The following SLC30A6 variants were observed in gnomAD, a reference collection of about 807,000 sequenced individuals.
The protein encoded by SLC30A6 is zinc transporter 6.
Under a neutral mutation model 63.0 loss-of-function variants are expected in SLC30A6, and 55 were observed. The ratio of observed to expected loss-of-function variants is 0.87; its 90% CI spans 0.70 to 1.09. SLC30A6 has a LOEUF of 1.09. SLC30A6 is among the 50% of genes least tolerant of loss of function. The probability of loss-of-function intolerance (pLI) is 0.00; values close to 1 mark genes in which losing one functional copy is unlikely to be tolerated. For synonymous variants in SLC30A6, 224 were observed against 186.1 expected, an observed-to-expected ratio of 1.20 and a Z score of -1.66; for missense variants, 587 against 549.2, an observed-to-expected ratio of 1.07 and a Z score of -0.69.
At chr2:32,169,224 T>A in intron 1 of SLC30A6, among the ~76,000 whole-genome samples, 1 of 152,106 alleles carries the variant, frequency 6.6e-6, no homozygotes, top group East Asian at 1.9e-4. Context: ...TGCCCAGGCT[T>A]GAGTAAAGTG....
rs772725246 is a variant in SLC30A6 at position 32,197,353 on chromosome 2, C to T, written c.506C>T (p.Thr169Met). The change falls in exon 9 of 14, where the codon ACG (threonine) becomes ATG (methionine). Residue 169 changes from threonine (T) to methionine (M), a missense_variant. By Grantham distance (81) the Thr-to-Met change is moderately conservative (BLOSUM62 -1). Coordinates refer to ENST00000282587, the MANE Select transcript of SLC30A6 (RefSeq NM_017964.5). ...TATTTTCTTCTTAAAGCTGCTAGTA[C>T]GAGCTGGCTTCAAGAGCATGTTGCA... Reference protein sequence around the residue: ...PFAYVSEAASTSWLQEHVADL... With the variant: ...PFAYVSEAASMSWLQEHVADL... 9 of 1,612,816 alleles carry T rather than the reference C, an allele frequency of 5.6e-6. No homozygotes were observed. Among genetic ancestry groups the T allele is most frequent in the East Asian group, 2.2e-5 (1 of 44,800 alleles).
intron 11 of SLC30A6, among the ~76,000 whole-genome samples, chr2:32,205,688 A>G: frequency 9.3e-6 from 1 of 107,296 alleles, no homozygotes; most frequent in Non-Finnish European, 1.8e-5. Context: ...TTTTTTTGAG[A>G]CAGAGTCTCT....
At chr2:32,202,234 G>C (rs1468255586) in intron 10 of SLC30A6, 1 of 785,706 alleles carries the variant, frequency 1.3e-6, no homozygotes. Context: ...TGAAGGAAAA[G>C]ATTTAATAGC....
In SLC30A6 at chr2:32,181,697, T is replaced by A. The variant is rs1028996966; in HGVS notation, c.219-2576T>A. Among the ~76,000 whole-genome samples the A allele has an allele frequency of 3.3e-5, 5 of 152,054 alleles. No individual in the cohort carries two copies. In the South Asian group the frequency reaches 1.0e-3, roughly 32 times the overall value. ...CCCTGGGCAACATGGTAAAAACCCA[T>A]CTCTACTAAAATACCAAAAAATGAG... On this transcript the variant is annotated intron_variant, in intron 4 of 13. Transcript: ENST00000282587.
Position 32,165,919 on chromosome 2 carries a change from G to A in SLC30A6, c.3+16G>A, listed in dbSNP as rs752690450. 25 of 1,614,176 alleles carry A rather than the reference G, an allele frequency of 1.5e-5. No individual in the cohort carries two copies. The highest frequency in any genetic ancestry group is 2.2e-5 in the South Asian group (2 of 91,084). On this transcript the variant is annotated intron_variant, in intron 1 of 13. Transcript: ENST00000282587. ...CCTTATCATGGTGAGTTGGCTGTTG[G>A]GGTGAGGGTTTCGGCTGTAGCTGAT...
intron 5 of SLC30A6, among the ~76,000 whole-genome samples, chr2:32,186,608 C>G (rs1192507704): frequency 6.6e-6 from 1 of 152,034 alleles, no homozygotes; most frequent in African/African-American, 2.4e-5. Flanking sequence ...AGGAGAATCA[C>G]TTGAACCTGG....
chr2:32,220,041 C>G lies in SLC30A6; in HGVS notation c.886-172C>G, dbSNP rs144646699. Among the ~76,000 whole-genome samples the G allele has an allele frequency of 6.3e-4, 96 of 152,218 alleles. 1 individual carries two copies. The East Asian group carries it at 0.012, about 19-fold the overall frequency. On this transcript the variant is annotated intron_variant, in intron 13 of 13. Coordinates refer to ENST00000282587, the MANE Select transcript of SLC30A6 (RefSeq NM_017964.5). ...TTAAAGATTCACAAATTATTTAACT[C>G]ATTACAATGATAATCACCAGCAAGT...
Position 32,220,689 on chromosome 2 carries a change from T to A in SLC30A6, c.1362T>A (p.Asn454Lys). The stretch of plus-strand genomic sequence containing the variant: ...TACCAAGTAGATATGGAACTAATAA[T>A]AGAATTGGACAACCAAGACCATGAT... Reference protein sequence around the residue: ...TNIPSRYGTNNRIGQPRP With the variant: ...TNIPSRYGTNKRIGQPRP Residue 454 changes from asparagine to lysine, a missense_variant, in exon 14 of 14, where the codon AAT becomes AAA. Physicochemically the swap from Asn to Lys is moderately conservative, Grantham distance 94. Coordinates refer to ENST00000282587, the MANE Select transcript of SLC30A6 (RefSeq NM_017964.5). The A allele has an allele frequency of 6.2e-7, 1 of 1,613,700 alleles. No individual in the cohort carries two copies. The highest frequency in any genetic ancestry group is 8.5e-7 in the Non-Finnish European group (1 of 1,179,724).
chr2:32,201,150 C>T (rs745626893), intron 10 of SLC30A6, among the ~76,000 whole-genome samples: 13 of 152,182 alleles, frequency 8.5e-5, no homozygotes, highest in Non-Finnish European at 1.8e-4. Flanking sequence ...GCCCAAAGTG[C>T]TTCATTATGT....
intron 8 of SLC30A6, among the ~76,000 whole-genome samples, chr2:32,196,988 A>G (rs552018575): frequency 6.6e-6 from 1 of 152,330 alleles, no homozygotes; most frequent in South Asian, 2.1e-4. Context: ...TGAACGCGGG[A>G]GACAGAGGTT....
intron 10 of SLC30A6, chr2:32,202,952 C>T (rs1018430545): frequency 1.1e-5 from 13 of 1,143,116 alleles, no homozygotes; most frequent in Non-Finnish European, 1.7e-5. Context: ...TCCTTCAAGT[C>T]TACAGTGGGT....
chr2:32,192,566 C>G (rs556501780), intron 6 of SLC30A6, 150 bp downstream of exon 6: 1 of 640,604 alleles, frequency 1.6e-6, no homozygotes, highest in South Asian at 2.3e-5. Flanking sequence ...ATGTTTCAGA[C>G]TTTTTCTTCT....
At chr2:32,203,084 AT>A in intron 10 of SLC30A6, 6 of 1,308,036 alleles carry the variant, frequency 4.6e-6, no homozygotes, top group Non-Finnish European at 6.6e-6. Flanking sequence ...CACAAAGAGA[AT>A]TTACACTAAA....
rs1004114347 is a variant in SLC30A6 at position 32,204,672 on chromosome 2, A to G, written c.748A>G (p.Ser250Gly). ...FGTMYPMSVY[S>G]GKVLLQTTPP... ...CACTATGTATCCCATGAGTGTGTAC[A>G]GTGGGAAAGTCTTACTCCAGGTAAG... Residue 250 changes from serine to glycine, a missense_variant, in exon 11 of 14, where the codon AGT becomes GGT. By Grantham distance (56) the Ser-to-Gly change is moderately conservative. Transcript: ENST00000282587. 6.2e-7 allele frequency: 1 copy of G among 1,608,000 alleles called. No individual in the cohort carries two copies. The highest frequency in any genetic ancestry group is 8.5e-7 in the Non-Finnish European group (1 of 1,175,900).
At chr2:32,169,229 A>G (rs1680954922) in intron 1 of SLC30A6, among the ~76,000 whole-genome samples, 1 of 152,092 alleles carries the variant, frequency 6.6e-6, no homozygotes, top group Admixed American at 6.6e-5. Context: ...AGGCTTGAGT[A>G]AAGTGTGAAC....
In SLC30A6 at chr2:32,171,340, AC is replaced by A; in HGVS notation, c.58del (p.Arg20GlyfsTer6). Reference protein sequence around the residue: ...PQRSFFGKLLREFRLVAADRR... With the variant: ...PQRSFFGKLLXEFRLVAADRR... ...AAAGATCCTTTTTTGGCAAGTTGTT[AC>A]GGGAATTTAGACTTGTAGCAGCTGA... On this transcript the variant is annotated frameshift_variant, in exon 2 of 14. Coordinates refer to ENST00000282587, the MANE Select transcript of SLC30A6 (RefSeq NM_017964.5). LOFTEE classifies it high-confidence loss of function. 1 of 1,613,814 alleles carries A rather than the reference AC, an allele frequency of 6.2e-7. No homozygotes were observed. The highest frequency in any genetic ancestry group is 8.5e-7 in the Non-Finnish European group (1 of 1,179,828).
At chr2:32,218,753 C>T (rs190027719) in intron 13 of SLC30A6, among the ~76,000 whole-genome samples, 5 of 152,256 alleles carry the variant, frequency 3.3e-5, no homozygotes, top group East Asian at 3.9e-4. Context: ...GACGTGATTT[C>T]GCCATGTTGG....
chr2:32,167,177 G>C (rs1019690592), intron 1 of SLC30A6, among the ~76,000 whole-genome samples: 2 of 152,152 alleles, frequency 1.3e-5, no homozygotes, highest in African/African-American at 4.8e-5. Context: ...CCGGGTTCAA[G>C]CGATTCTCCT....
rs1686264015 is a variant in SLC30A6, at chr2:32,223,701, G to C, written c.*2988G>C. ...ACAGCCTAACACCATTTAGGTTTTT[G>C]TGTTTTTTTCAGGCTTGCCTCTACT... On this transcript the variant is annotated 3_prime_UTR_variant, in exon 14 of 14. Coordinates refer to ENST00000282587, the MANE Select transcript of SLC30A6 (RefSeq NM_017964.5). The C allele has an allele frequency of 6.6e-6, 1 of 152,166 alleles. No homozygotes were observed. Among genetic ancestry groups the C allele is most frequent in the Non-Finnish European group, 1.5e-5 (1 of 68,024 alleles). 9.4% of individuals were successfully genotyped at this position (152,166 alleles called of 1,614,324 possible). A position where few individuals can be genotyped will look rare whatever the true frequency, so the allele number is the denominator to read the frequency against.
Sources: allele counts gnomAD v4.1 joint callset (sites outside exome capture counted in the v4.1 genomes callset), GRCh38; gene constraint gnomAD v4.1.1; transcripts MANE v1.5; gene names NCBI Gene and HGNC (gene_info 2026-07-23, HGNC 2026-07-21).